The following TVP23A variants were observed in gnomAD, a reference collection of about 807,000 sequenced individuals.
TVP23A encodes Golgi apparatus membrane protein TVP23 homolog A.
TVP23A carries 21 observed loss-of-function variants against 31.7 expected under a neutral mutation model. The ratio of observed to expected loss-of-function variants is 0.66; its 90% CI spans 0.47 to 0.95. The LOEUF (loss-of-function observed/expected upper bound fraction) is 0.95. Ranked by LOEUF, TVP23A falls within the 40% of genes least tolerant of loss-of-function variation. The probability of loss-of-function intolerance (pLI) is 0.00; values close to 1 mark genes in which losing one functional copy is unlikely to be tolerated. For synonymous variants in TVP23A, 104 were observed against 96.0 expected (o/e 1.08, Z -0.49); for missense variants, 279 against 255.6 (o/e 1.09, Z -0.62).
intron 2 of TVP23A, 182 bp from the exon 3 acceptor site, chr16:10,775,278 CCAGA>C (rs1198545565): frequency 2.1e-6 from 3 of 1,425,122 alleles, no homozygotes; most frequent in East Asian, 2.5e-5. Flanking sequence ...TCAGCAGTCC[CCAGA>C]CAGTCATGCT....
At chr16:10,783,536 C>T (rs995555860) in intron 2 of TVP23A, among the ~76,000 whole-genome samples, 1 of 151,948 alleles carries the variant, frequency 6.6e-6, no homozygotes, top group African/African-American at 2.4e-5. Flanking sequence ...TTTAGCCGGG[C>T]GTGGTGGCGC....
chr16:10,806,402 A>C (rs1596567400), intron 2 of TVP23A, among the ~76,000 whole-genome samples: 1 of 152,216 alleles, frequency 6.6e-6, no homozygotes, highest in African/African-American at 2.4e-5. Context: ...CTGCCGTCCA[A>C]GATAAAACAT....
At chr16:10,785,029 G>A (rs958077098) in intron 2 of TVP23A, among the ~76,000 whole-genome samples, 3 of 151,864 alleles carry the variant, frequency 2.0e-5, no homozygotes, top group African/African-American at 4.8e-5. Flanking sequence ...TCCGGGAGGC[G>A]GTGGTTGCAG....
chr16:10,790,035 G>C (rs963659255), intron 2 of TVP23A, among the ~76,000 whole-genome samples: 1 of 152,094 alleles, frequency 6.6e-6, no homozygotes, highest in African/African-American at 2.4e-5. Context: ...AAAGATTGTG[G>C]AGACCAAGGT....
chr16:10,760,896 ACTGC>A (rs1900906939), downstream of TVP23A: 1 of 165,268 alleles, frequency 6.1e-6, no homozygotes, highest in African/African-American at 2.4e-5. Flanking sequence ...GCTGTAAAGA[ACTGC>A]CTGAGACTGG....
chr16:10,779,455 A>G lies in TVP23A; in HGVS notation c.90-4359T>C, dbSNP rs776788781. 2.6e-5 allele frequency among the ~76,000 whole-genome samples: 4 copies of G among 151,884 alleles called. No individual in the cohort carries two copies. The highest frequency in any genetic ancestry group is 4.8e-5 in the African/African-American group (2 of 41,364). Reference sequence around the variant, plus strand: ...CTCCTGCTCCCCAGCAACATGGAGCACACACACACACACCACCAATCACCT... The same window carrying G: ...CTCCTGCTCCCCAGCAACATGGAGCGCACACACACACACCACCAATCACCT... On this transcript the variant is annotated intron_variant, in intron 2 of 7. Coordinates refer to ENST00000299866, the MANE Select transcript of TVP23A (RefSeq NM_001079512.4). The surrounding 1 kb of genome is among the most constrained non-coding windows in gnomAD (Gnocchi z 4.9).
intron 2 of TVP23A, among the ~76,000 whole-genome samples, chr16:10,802,103 C>A (rs1046254226): frequency 6.9e-6 from 1 of 145,786 alleles, no homozygotes; most frequent in Admixed American, 6.8e-5. Context: ...AATACACATA[C>A]ACACACACAC....
Position 10,768,637 on chromosome 16 carries a change from G to C in TVP23A, c.*465C>G. On this transcript the variant is annotated 3_prime_UTR_variant, in exon 8 of 8. Coordinates refer to ENST00000299866, the MANE Select transcript of TVP23A (RefSeq NM_001079512.4). The surrounding 1 kb of genome is among the most constrained non-coding windows in gnomAD (Gnocchi z 4.3). Reference sequence around the variant, plus strand: ...AATAAAAAATAAAAATAAAAACTTTGTTGAGCCAGACCAAACCCACGTGCA... The same window carrying C: ...AATAAAAAATAAAAATAAAAACTTTCTTGAGCCAGACCAAACCCACGTGCA... The C allele has an allele frequency of 5.8e-6, 1 of 172,178 alleles. No individual in the cohort carries two copies. The highest frequency in any genetic ancestry group is 1.2e-5 in the Non-Finnish European group (1 of 81,944). The allele number at this position is 172,178 out of a possible 1,614,324, so 10.7% of individuals were successfully genotyped here. A position where few individuals can be genotyped will look rare whatever the true frequency, so the allele number is the denominator to read the frequency against.
In TVP23A at chr16:10,785,734, G is replaced by C. The variant is rs549743416; in HGVS notation, c.90-10638C>G. Among the ~76,000 whole-genome samples, 13 of 152,252 alleles carry C rather than the reference G, an allele frequency of 8.5e-5. No homozygotes were observed. In the South Asian group the frequency reaches 1.7e-3, roughly 19 times the overall value. On this transcript the variant is annotated intron_variant, in intron 2 of 7. Transcript: ENST00000299866. ...AACATTGGTTGGGTCTGGAAAGGCG[G>C]AACACCTTTCCAGGCATCTGCTTCT...
chr16:10,799,383 G>A (rs963941771), intron 2 of TVP23A, among the ~76,000 whole-genome samples: 2 of 152,204 alleles, frequency 1.3e-5, no homozygotes, highest in African/African-American at 4.8e-5. Flanking sequence ...GCCCAGGCTG[G>A]AGTATAGTGG....
chr16:10,795,251 CTT>C (rs57002015), intron 2 of TVP23A, among the ~76,000 whole-genome samples: 2,229 of 139,178 alleles, frequency 0.016, 47 homozygotes, highest in African/African-American at 0.05. Flanking sequence ...TTATATGATG[CTT>C]TTTTTTTTTT....
downstream of TVP23A, among the ~76,000 whole-genome samples, chr16:10,757,343 G>A (rs1900628589): frequency 6.6e-6 from 1 of 152,158 alleles, no homozygotes; most frequent in African/African-American, 2.4e-5. This position sits in a 1 kb window ranked among gnomAD's most constrained non-coding sequence, Gnocchi z 4.1. Context: ...TTTTATAGTG[G>A]CTTATTTGGG....
At chr16:10,806,329 C>T (rs1376849137) in intron 2 of TVP23A, among the ~76,000 whole-genome samples, 1 of 151,968 alleles carries the variant, frequency 6.6e-6, no homozygotes, top group South Asian at 2.1e-4. Flanking sequence ...GGTGACAGAG[C>T]AAGAGTCTGT....
intron 2 of TVP23A, among the ~76,000 whole-genome samples, chr16:10,788,655 T>G (rs530690019): frequency 6.6e-6 from 1 of 152,310 alleles, no homozygotes; most frequent in East Asian, 1.9e-4. Context: ...CCACACTATT[T>G]ATTGAGTACA....
intron 2 of TVP23A, among the ~76,000 whole-genome samples, chr16:10,811,280 G>GT (rs1376995694): frequency 2.6e-5 from 4 of 152,150 alleles, no homozygotes; most frequent in South Asian, 2.1e-4. Context: ...TATTTATTTT[G>GT]TTTTTTGAGA....
rs376701429 is a variant in TVP23A at position 10,770,868 on chromosome 16, CAAAAA to C, written c.583-542_583-538del. On this transcript the variant is annotated intron_variant, in intron 6 of 7. Transcript: ENST00000299866. ...TGGGAGCAGAGTGAGACTCCCATCT[CAAAAA>C]AAAAAAAAAAAAAAAAAAAAAAATT... Among the ~76,000 whole-genome samples the C allele has an allele frequency of 3.8e-3, 254 of 66,450 alleles. 1 individual carries two copies. The highest frequency in any genetic ancestry group is 0.012 in the African/African-American group (220 of 19,010). 43.6% of individuals were successfully genotyped at this position (66,450 alleles called of 152,430 possible). A position where few individuals can be genotyped will look rare whatever the true frequency, so the allele number is the denominator to read the frequency against.
intron 6 of TVP23A, among the ~76,000 whole-genome samples, chr16:10,770,999 T>A (rs980349586): frequency 6.6e-6 from 1 of 151,350 alleles, no homozygotes; most frequent in African/African-American, 2.4e-5. Flanking sequence ...ATTGCACTTA[T>A]AGGAGGTCCC....
chr16:10,795,440 AG>A lies in TVP23A; in HGVS notation c.90-20345del, dbSNP rs201368094. Among the ~76,000 whole-genome samples, 79 of 152,078 alleles carry A rather than the reference AG, an allele frequency of 5.2e-4. 1 individual carries two copies. In the East Asian group the frequency reaches 0.013, roughly 25 times the overall value. On this transcript the variant is annotated intron_variant, in intron 2 of 7. Coordinates refer to ENST00000299866, the MANE Select transcript of TVP23A (RefSeq NM_001079512.4). ...TAATTTTTGCATTTTTGGAAGAAAT[AG>A]GGTTTCACCATGTTGGCCAGGCTAG...
intron 2 of TVP23A, among the ~76,000 whole-genome samples, chr16:10,815,584 A>G (rs1281167451): frequency 2.6e-5 from 4 of 152,192 alleles, no homozygotes; most frequent in Non-Finnish European, 5.9e-5. Context: ...TCTGGTGAAT[A>G]GAGGCCAGGA....
Sources: gnomAD v4.1 joint callset for allele counts (sites outside exome capture counted in the v4.1 genomes callset) on GRCh38, gnomAD v4.1.1 for gene constraint, Gnocchi (gnomAD v3.1) non-coding constraint, MANE v1.5 for transcripts, NCBI Gene and HGNC (gene_info 2026-07-23, HGNC 2026-07-21) for gene names.